CCM2L: variants seen among roughly 807,000 people sequenced by gnomAD.
CCM2L encodes cerebral cavernous malformations 2 protein-like.
Under a neutral mutation model 54.1 loss-of-function variants are expected in CCM2L, and 36 were observed. The ratio of observed to expected loss-of-function variants is 0.67; its 90% confidence interval spans 0.51 to 0.88. The LOEUF (loss-of-function observed/expected upper bound fraction) is 0.88. CCM2L is among the 40% of genes least tolerant of loss of function. The pLI, the probability that CCM2L is intolerant of heterozygous loss-of-function variation, is 0.00. For synonymous variants in CCM2L, 351 were observed against 359.3 expected (o/e 0.98, Z 0.26); for missense variants, 700 against 812.1 (o/e 0.86, Z 1.68).
chr20:32,014,839 G>A (rs2064725494), intron 1 of CCM2L, 65 bp from the exon 2 acceptor site: 7 of 1,433,568 alleles, frequency 4.9e-6, no homozygotes, highest in Non-Finnish European at 6.6e-6. Flanking sequence ...AAGTAAAAGT[G>A]AGCATAGTAA....
chr20:32,026,943 G>A (rs989749255), intron 7 of CCM2L, among the ~76,000 whole-genome samples: 2 of 152,198 alleles, frequency 1.3e-5, no homozygotes, highest in Non-Finnish European at 2.9e-5. Context: ...AACACTTTGG[G>A]AGGGCAACGC....
chr20:32,028,739 G>A (rs1000352604), intron 7 of CCM2L: 1 of 498,636 alleles, frequency 2.0e-6, no homozygotes, highest in African/African-American at 1.9e-5. Context: ...CAGGCAGAGG[G>A]ACCAGCAGGT....
chr20:32,021,350 G>A (rs932953886), intron 5 of CCM2L, among the ~76,000 whole-genome samples: 1 of 152,018 alleles, frequency 6.6e-6, no homozygotes, highest in African/African-American at 2.4e-5. Flanking sequence ...GCCCAGTGTC[G>A]GCCACATAAT....
In CCM2L at chr20:32,022,275, A is replaced by T. The variant is rs536096518; in HGVS notation, c.934-385A>T. 2.6e-5 allele frequency among the ~76,000 whole-genome samples: 4 copies of T among 152,296 alleles called. No homozygotes were observed. In the South Asian group the frequency reaches 8.3e-4, roughly 32 times the overall value. Reference sequence around the variant, plus strand: ...GCCTAAAATTTTGATACATTTAATCATCCCTTCTCCTACTAGGTGTTAGGA... The same window carrying T: ...GCCTAAAATTTTGATACATTTAATCTTCCCTTCTCCTACTAGGTGTTAGGA... On this transcript the variant is annotated intron_variant, in intron 5 of 9. Coordinates refer to ENST00000452892, the MANE Select transcript of CCM2L (RefSeq NM_001365692.1).
At chr20:32,010,738 G>A (rs547702169) in intron 1 of CCM2L, among the ~76,000 whole-genome samples, 11 of 152,170 alleles carry the variant, frequency 7.2e-5, no homozygotes, top group African/African-American at 2.6e-4. Flanking sequence ...CTGGCCAGAC[G>A]GACTCAGTTT....
chr20:32,022,413 A>G (rs2064813052), intron 5 of CCM2L, among the ~76,000 whole-genome samples: 2 of 152,224 alleles, frequency 1.3e-5, no homozygotes, highest in South Asian at 4.1e-4. Flanking sequence ...AAGGCTGATG[A>G]ATCCTCCACA....
Position 32,010,452 on chromosome 20 carries a change from A to C in CCM2L, c.-3A>C. 1 of 1,543,336 alleles carries C rather than the reference A, an allele frequency of 6.5e-7. No individual in the cohort carries two copies. The highest frequency in any genetic ancestry group is 2.0e-5 in the Admixed American group (1 of 50,430). ...GTGGCAGGAGTAGAGGGGACATTTC[A>C]CCATGGAATATGAAGTCAAGAAAGG... On this transcript the variant is annotated 5_prime_UTR_variant, in exon 1 of 10. Coordinates refer to ENST00000452892, the MANE Select transcript of CCM2L (RefSeq NM_001365692.1).
intron 9 of CCM2L, among the ~76,000 whole-genome samples, 172 bp downstream of exon 9, chr20:32,030,010 G>C (rs1345191447): frequency 6.6e-6 from 1 of 152,084 alleles, no homozygotes; most frequent in Admixed American, 6.6e-5. Context: ...GTAGGGAAAG[G>C]ACTTGTCAGA....
chr20:32,019,776 A>G (rs2064785910), intron 5 of CCM2L, among the ~76,000 whole-genome samples: 1 of 152,116 alleles, frequency 6.6e-6, no homozygotes. Flanking sequence ...TTTAATTCTC[A>G]CAGCAACCTC....
intron 7 of CCM2L, 122 bp downstream of exon 7, chr20:32,026,041 AG>A: frequency 1.5e-6 from 1 of 665,098 alleles, no homozygotes; most frequent in African/African-American, 1.9e-5. Context: ...GGGCACTAAG[AG>A]GGGGAGGTAA....
chr20:32,026,644 G>T (rs1412210307), intron 7 of CCM2L, among the ~76,000 whole-genome samples: 1 of 152,176 alleles, frequency 6.6e-6, no homozygotes, highest in Non-Finnish European at 1.5e-5. Flanking sequence ...GGGAGGCTGA[G>T]GCAGGTGGAT....
chr20:32,030,057 G>A (rs1013686345), intron 9 of CCM2L, among the ~76,000 whole-genome samples: 5 of 152,268 alleles, frequency 3.3e-5, no homozygotes, highest in African/African-American at 1.2e-4. Context: ...ACTAAGCAGT[G>A]GTGTGGCCAT....
Position 32,014,912 on chromosome 20 carries a change from A to C in CCM2L, c.39A>C (p.Val13=), listed in dbSNP as rs1244442285. ...YEVKKGKKGF[V]SPIRRLVFPK... is the part of the protein sequence containing the mutation. ...CCTCCTCTCCTCCCCAGGGCTTTGT[A>C]TCCCCCATCCGAAGGCTGGTGTTCC... Residue 13 remains valine, a synonymous_variant, in exon 2 of 10, where the codon GTA becomes GTC. Transcript: ENST00000452892. The C allele has an allele frequency of 1.3e-6, 2 of 1,599,678 alleles. No homozygotes were observed. Among genetic ancestry groups the C allele is most frequent in the Non-Finnish European group, 8.5e-7 (1 of 1,173,344 alleles).
At chr20:32,011,149 G>A (rs1052850740) in intron 1 of CCM2L, among the ~76,000 whole-genome samples, 5 of 150,828 alleles carry the variant, frequency 3.3e-5, no homozygotes, top group African/African-American at 1.2e-4. Context: ...CATATGTCCG[G>A]GCTGTTCTAA....
intron 1 of CCM2L, among the ~76,000 whole-genome samples, chr20:32,014,263 T>TATATA (rs367825984): frequency 0.071 from 7,355 of 103,684 alleles, 162 homozygotes; most frequent in Admixed American, 0.12. Context: ...ATATATATAT[T>TATATA]TTTTTTTTTT....
intron 2 of CCM2L, 52 bp from the exon 3 acceptor site, chr20:32,017,738 GGGTTCTTCAA>G: frequency 7.5e-7 from 1 of 1,327,858 alleles, no homozygotes; most frequent in Non-Finnish European, 1.1e-6. Context: ...GAGAAGGCCA[GGGTTCTTCAA>G]GGTTTCAGGG....
At chr20:32,030,839 G>A (rs1424336159) in intron 9 of CCM2L, 162 bp from the exon 10 acceptor site, 3 of 401,602 alleles carry the variant, frequency 7.5e-6, no homozygotes, top group African/African-American at 4.3e-5. Flanking sequence ...GCTGAGCGCT[G>A]TGTCGTTATT....
At position 32,031,269 on chromosome 20, in the gene CCM2L, G is replaced by C. The variant is rs2064923849; in HGVS notation, c.1671G>C (p.Arg557=). The C allele has an allele frequency of 1.1e-5, 14 of 1,294,692 alleles. No individual in the cohort carries two copies. The highest frequency in any genetic ancestry group is 1.4e-5 in the Non-Finnish European group (14 of 988,022). 80.2% of individuals were successfully genotyped at this position (1,294,692 alleles called of 1,614,324 possible). The change falls in exon 10 of 10, where the codon CGG becomes CGC. Residue 557 remains arginine, a synonymous_variant. Coordinates refer to ENST00000452892, the MANE Select transcript of CCM2L (RefSeq NM_001365692.1). ...DDDDDDEDEP[R]GSRGGSDAAE... is the part of the protein sequence containing the mutation. ...ACGACGACGACGAGGATGAGCCCCG[G>C]GGCTCCAGGGGCGGGAGCGACGCCG...
chr20:32,011,061 G>T (rs62207261), intron 1 of CCM2L, among the ~76,000 whole-genome samples: 23,851 of 151,974 alleles, frequency 0.16, 2,036 homozygotes, highest in Middle Eastern at 0.26. Flanking sequence ...TGTCTTTGGA[G>T]TTCAGGGAGG....
Sources: gnomAD v4.1 joint callset for allele counts (sites outside exome capture counted in the v4.1 genomes callset) on GRCh38, gnomAD v4.1.1 for gene constraint, MANE v1.5 for transcripts, NCBI Gene and HGNC (gene_info 2026-07-23, HGNC 2026-07-21) for gene names.